CDC42BPA: variants seen among roughly 807,000 people sequenced by gnomAD.
CDC42BPA encodes CDC42 binding protein kinase alpha.
Under a neutral mutation model 223.5 loss-of-function variants are expected in CDC42BPA, and 80 were observed. That is an observed-to-expected ratio of 0.36 (90% CI 0.30 to 0.43). CDC42BPA has a LOEUF of 0.43. Among genes scored for constraint, CDC42BPA ranks in the 20% least tolerant of loss-of-function variants. The pLI is 1.00. For synonymous variants in CDC42BPA, 694 were observed against 718.6 expected, an observed-to-expected ratio of 0.97 and a Z score of 0.55; for missense variants, 1,743 against 2,099.9, an observed-to-expected ratio of 0.83 and a Z score of 3.32.
At chr1:227,300,841 C>G (rs1013839359) in intron 1 of CDC42BPA, among the ~76,000 whole-genome samples, 1 of 152,224 alleles carries the variant, frequency 6.6e-6, no homozygotes, top group African/African-American at 2.4e-5. Flanking sequence ...CACACGCACA[C>G]ACGGCATTTC....
At position 227,072,695 on chromosome 1, in the gene CDC42BPA, T is replaced by G. The variant is rs116115643; in HGVS notation, c.2736-396A>C. 9.2e-3 allele frequency among the ~76,000 whole-genome samples: 1,396 copies of G among 152,136 alleles called. 9 individuals carry two copies. The highest frequency in any genetic ancestry group is 0.016 in the Non-Finnish European group (1,065 of 67,890). ...AATTTTAGAATTCTGTTAGACTTTGTTAGATATTATACCATTACAGGCAAC... is the reference window on the plus strand; with the variant it reads ...AATTTTAGAATTCTGTTAGACTTTGGTAGATATTATACCATTACAGGCAAC... On this transcript the variant is annotated intron_variant, in intron 19 of 36. Coordinates refer to ENST00000366766, the MANE Select transcript of CDC42BPA (RefSeq NM_001394014.1).
intron 11 of CDC42BPA, among the ~76,000 whole-genome samples, chr1:227,127,667 C>T (rs1055878115): frequency 6.6e-6 from 1 of 152,042 alleles, no homozygotes; most frequent in Non-Finnish European, 1.5e-5. Context: ...TATCATGTTC[C>T]CAATCTACAA....
At chr1:227,114,904 T>TA (rs1687528766) in intron 12 of CDC42BPA, among the ~76,000 whole-genome samples, 2 of 144,138 alleles carry the variant, frequency 1.4e-5, no homozygotes, top group Non-Finnish European at 3.1e-5. Flanking sequence ...TTAGGATATT[T>TA]AACTTAAACT....
intron 1 of CDC42BPA, among the ~76,000 whole-genome samples, chr1:227,275,914 C>T (rs1686895248): frequency 6.6e-6 from 1 of 152,130 alleles, no homozygotes; most frequent in South Asian, 2.1e-4. Flanking sequence ...CTCAATGTTG[C>T]CCAGGCTGGA....
At chr1:227,031,574 CATGATT>C in intron 27 of CDC42BPA, 60 bp from the exon 28 acceptor site, 3 of 1,369,042 alleles carry the variant, frequency 2.2e-6, no homozygotes, top group Non-Finnish European at 3.1e-6. Context: ...ATGCTAGTTT[CATGATT>C]ATGTTAGTTT....
chr1:227,254,606 C>T (rs769433782), intron 1 of CDC42BPA, among the ~76,000 whole-genome samples: 2 of 152,182 alleles, frequency 1.3e-5, no homozygotes, highest in African/African-American at 2.4e-5. Flanking sequence ...CGTTAGCAAA[C>T]GTCTACAGTA....
chr1:227,218,800 G>A (rs1286947325), intron 2 of CDC42BPA, among the ~76,000 whole-genome samples: 1 of 152,136 alleles, frequency 6.6e-6, no homozygotes, highest in Non-Finnish European at 1.5e-5. Flanking sequence ...ACTGTTCTGT[G>A]AGCGACCAAT....
At chr1:227,175,274 C>T (rs1666755865) in intron 5 of CDC42BPA, among the ~76,000 whole-genome samples, 2 of 152,042 alleles carry the variant, frequency 1.3e-5, no homozygotes, top group South Asian at 2.1e-4. Context: ...TGCTGTGTTG[C>T]AGCAACCTAT....
At chr1:227,035,896 T>C (rs914823067) in intron 24 of CDC42BPA, among the ~76,000 whole-genome samples, 2 of 152,164 alleles carry the variant, frequency 1.3e-5, no homozygotes, top group Non-Finnish European at 2.9e-5. Context: ...AATAAAATGA[T>C]TGATTTAGAT....
At position 227,145,537 on chromosome 1, in the gene CDC42BPA, T is replaced by C; in HGVS notation, c.1095A>G (p.Pro365=). The change falls in exon 8 of 37, where the codon CCA becomes CCG. Residue 365 remains proline, a synonymous_variant. Coordinates refer to ENST00000366766, the MANE Select transcript of CDC42BPA (RefSeq NM_001394014.1). ...EAPYIPEVSS[P]TDTSNFDVDD... Reference sequence around the variant, plus strand: ...CTACATCAAAATTCGATGTATCTGTTGGGCTACTAACTTCTGGAATATAAG... The same window carrying C: ...CTACATCAAAATTCGATGTATCTGTCGGGCTACTAACTTCTGGAATATAAG... The C allele has an allele frequency of 1.2e-6, 2 of 1,613,660 alleles. No individual in the cohort carries two copies. The highest frequency in any genetic ancestry group is 1.7e-6 in the Non-Finnish European group (2 of 1,179,678).
chr1:227,110,337 G>A (rs1422779190), intron 14 of CDC42BPA, among the ~76,000 whole-genome samples: 2 of 152,194 alleles, frequency 1.3e-5, no homozygotes, highest in African/African-American at 4.8e-5. Context: ...GTCTATACAT[G>A]TTAAATGCAT....
intron 35 of CDC42BPA, among the ~76,000 whole-genome samples, chr1:226,999,752 T>C (rs1662390095): frequency 6.6e-6 from 1 of 152,094 alleles, no homozygotes; most frequent in African/African-American, 2.4e-5. Context: ...ATATACACCA[T>C]GGAATACTAT....
chr1:227,159,886 C>G (rs1363981836), intron 6 of CDC42BPA, among the ~76,000 whole-genome samples: 1 of 151,878 alleles, frequency 6.6e-6, no homozygotes, highest in Non-Finnish European at 1.5e-5. Flanking sequence ...CACTGTTGCC[C>G]AGGCTGGAGT....
intron 1 of CDC42BPA, among the ~76,000 whole-genome samples, chr1:227,283,319 G>A (rs182619293): frequency 3.3e-5 from 5 of 152,018 alleles, no homozygotes; most frequent in Admixed American, 3.3e-4. Context: ...ACACATAAAC[G>A]AGAGAAATAT....
intron 10 of CDC42BPA, among the ~76,000 whole-genome samples, chr1:227,135,104 G>C (rs1464701038): frequency 6.6e-6 from 1 of 152,194 alleles, no homozygotes; most frequent in Non-Finnish European, 1.5e-5. Flanking sequence ...CCATTTCTGT[G>C]AGTGTACTTA....
intron 1 of CDC42BPA, among the ~76,000 whole-genome samples, 163 bp from the exon 2 acceptor site, chr1:227,254,318 C>T (rs925568332): frequency 1.1e-4 from 16 of 152,026 alleles, no homozygotes; most frequent in Admixed American, 3.9e-4. Flanking sequence ...GATTTAATTT[C>T]CCTAAGAAAA....
chr1:227,072,360 C>A, intron 19 of CDC42BPA, 61 bp from the exon 20 acceptor site: 1 of 959,160 alleles, frequency 1.0e-6, no homozygotes, highest in Non-Finnish European at 1.7e-6. Context: ...AGTGAGCCAT[C>A]TTGGATGTAG....
chr1:227,164,430 C>T (rs570244421), intron 5 of CDC42BPA, among the ~76,000 whole-genome samples: 45 of 152,256 alleles, frequency 3.0e-4, no homozygotes, highest in Non-Finnish European at 5.0e-4. Context: ...TTATATTCTT[C>T]AGTTATGAAT....
intron 35 of CDC42BPA, among the ~76,000 whole-genome samples, chr1:227,001,288 G>A (rs371039165): frequency 6.6e-6 from 1 of 152,208 alleles, no homozygotes; most frequent in Non-Finnish European, 1.5e-5. Context: ...AACACCAGAT[G>A]CCCCTTGGCA....
Sources: allele counts gnomAD v4.1 joint callset (sites outside exome capture counted in the v4.1 genomes callset), GRCh38; gene constraint gnomAD v4.1.1; transcripts MANE v1.5; gene names NCBI Gene and HGNC (gene_info 2026-07-23, HGNC 2026-07-21).